The following IPCEF1 variants were observed in gnomAD, a reference collection of about 807,000 sequenced individuals.
IPCEF1 encodes the protein interactor protein for cytohesin exchange factors 1.
IPCEF1 carries 31 observed loss-of-function variants against 50.9 expected under a neutral mutation model. The ratio of observed to expected loss-of-function variants is 0.61; its 90% confidence interval spans 0.46 to 0.82. IPCEF1 has a LOEUF of 0.82. Among genes scored for constraint, IPCEF1 ranks in the 40% least tolerant of loss-of-function variants. The pLI is 0.00. For synonymous variants in IPCEF1, 181 were observed against 192.0 expected (o/e 0.94, Z 0.47); for missense variants, 458 against 514.0 (o/e 0.89, Z 1.05).
At chr6:154,194,655 C>T (rs900885849) in intron 10 of IPCEF1, among the ~76,000 whole-genome samples, 6 of 152,092 alleles carry the variant, frequency 3.9e-5, no homozygotes, top group African/African-American at 1.2e-4. Context: ...ACTCCTAACT[C>T]CTAGCTTCAG....
chr6:154,354,996 T>TCA lies in IPCEF1; in HGVS notation c.-62+1674_-62+1675dup, dbSNP rs56281024. On this transcript the variant is annotated intron_variant, in intron 1 of 11. Transcript: ENST00000367220. ...AAAGCTTATTTTTTAGGATTTTTCT[T>TCA]CACACACACACACACACACACACAC... Among the ~76,000 whole-genome samples, 134 of 147,482 alleles carry TCA rather than the reference T, an allele frequency of 9.1e-4. 1 individual carries two copies. Among genetic ancestry groups the TCA allele is most frequent in the East Asian group, 2.0e-3 (10 of 4,920 alleles).
intron 1 of IPCEF1, among the ~76,000 whole-genome samples, chr6:154,348,068 G>A (rs930576504): frequency 1.3e-5 from 2 of 152,054 alleles, no homozygotes; most frequent in South Asian, 2.1e-4. Context: ...TTGGTGACTC[G>A]GTGTCTCTCT....
At position 154,246,603 on chromosome 6, in the gene IPCEF1, A is replaced by G. The variant is rs1252299684; in HGVS notation, c.234T>C (p.Tyr78=). 33 of 1,613,268 alleles carry G rather than the reference A, an allele frequency of 2.0e-5. No individual in the cohort carries two copies. The highest frequency in any genetic ancestry group is 2.8e-5 in the Non-Finnish European group (33 of 1,179,518). The change falls in exon 5 of 12, where the codon TAT becomes TAC. Residue 78 remains tyrosine (Y), a synonymous_variant. Transcript: ENST00000367220. ...VILKGSSLYW[Y]SNQMAEKADG... ...AAAGCAGACTCACCATTTGATTGCT[A>G]TACCAGTACAGTGACGACCCCTTCA...
chr6:154,247,406 C>G lies in IPCEF1; in HGVS notation c.76+43G>C, dbSNP rs567401827. 1.2e-5 allele frequency: 18 copies of G among 1,544,538 alleles called. No individual in the cohort carries two copies. In the South Asian group the frequency reaches 1.7e-4, roughly 15 times the overall value. On this transcript the variant is annotated intron_variant, in intron 4 of 11. Transcript: ENST00000367220. ...CACCCCGGAGAAAAGCCACACTCAA[C>G]GTACACAAAATGGAGATAAAGAAAC...
intron 10 of IPCEF1, among the ~76,000 whole-genome samples, chr6:154,182,923 T>C (rs1325873794): frequency 6.6e-6 from 1 of 152,128 alleles, no homozygotes; most frequent in Admixed American, 6.5e-5. Context: ...AGAAGTTAGC[T>C]TATCTCAATT....
At chr6:154,212,555 G>A (rs933857825) in intron 9 of IPCEF1, among the ~76,000 whole-genome samples, 28 of 152,082 alleles carry the variant, frequency 1.8e-4, no homozygotes, top group Admixed American at 1.3e-3. Context: ...GTACATCTTC[G>A]GGTCACACAC....
chr6:154,217,115 C>G (rs1778462093), intron 7 of IPCEF1: 1 of 162,956 alleles, frequency 6.1e-6, no homozygotes, highest in African/African-American at 2.4e-5. Context: ...ACCATTCCAG[C>G]CTTCCAAGGG....
chr6:154,320,291 T>C (rs1468695820), intron 1 of IPCEF1, among the ~76,000 whole-genome samples: 1 of 152,226 alleles, frequency 6.6e-6, no homozygotes, highest in African/African-American at 2.4e-5. Flanking sequence ...TTCCAATTTG[T>C]ATCTAATTCA....
At chr6:154,284,798 A>G (rs11965852) in intron 2 of IPCEF1, among the ~76,000 whole-genome samples, 12,742 of 152,138 alleles carry the variant, frequency 0.084, 930 homozygotes, top group African/African-American at 0.2. Flanking sequence ...TCAGGAGATC[A>G]AGACCATCCT....
chr6:154,281,049 A>G (rs563377644), intron 2 of IPCEF1, among the ~76,000 whole-genome samples: 49 of 152,100 alleles, frequency 3.2e-4, no homozygotes, highest in African/African-American at 1.2e-3. Flanking sequence ...AAAAAAATTT[A>G]AAAATTAAGG....
At chr6:154,226,904 A>G (rs193066508) in intron 5 of IPCEF1, among the ~76,000 whole-genome samples, 2 of 152,294 alleles carry the variant, frequency 1.3e-5, no homozygotes, top group Admixed American at 1.3e-4. Flanking sequence ...CAAAGAAAAA[A>G]CAATACTTCT....
At chr6:154,304,294 C>G (rs950781929) in intron 1 of IPCEF1, among the ~76,000 whole-genome samples, 4 of 151,994 alleles carry the variant, frequency 2.6e-5, no homozygotes, top group Non-Finnish European at 5.9e-5. Flanking sequence ...AGCAGCTTCA[C>G]CAGGATAGAA....
intron 1 of IPCEF1, among the ~76,000 whole-genome samples, chr6:154,343,996 G>A (rs1783974716): frequency 6.6e-6 from 1 of 152,192 alleles, no homozygotes; most frequent in Admixed American, 6.5e-5. Context: ...ACTAAGGTGG[G>A]AGGGCCAGTT....
intron 1 of IPCEF1, among the ~76,000 whole-genome samples, chr6:154,298,839 G>A (rs1463570986): frequency 6.6e-6 from 1 of 151,926 alleles, no homozygotes; most frequent in African/African-American, 2.4e-5. Flanking sequence ...GCGCATGCCT[G>A]TAATCCCAAG....
intron 5 of IPCEF1, among the ~76,000 whole-genome samples, chr6:154,242,887 C>CAAAGA (rs10692865): frequency 0.32 from 49,058 of 151,388 alleles, 8,767 homozygotes; most frequent in East Asian, 0.67. Flanking sequence ...GACTCCGTCT[C>CAAAGA]AAAGAAAAGA....
chr6:154,215,314 A>G (rs1483374734), intron 7 of IPCEF1, among the ~76,000 whole-genome samples: 1 of 152,178 alleles, frequency 6.6e-6, no homozygotes, highest in Non-Finnish European at 1.5e-5. Flanking sequence ...TAGAAAATAT[A>G]TAACAAATTC....
chr6:154,167,629 AC>A, intron 11 of IPCEF1, among the ~76,000 whole-genome samples: 1 of 152,220 alleles, frequency 6.6e-6, no homozygotes, highest in Admixed American at 6.5e-5. Flanking sequence ...GGGTTAAAAA[AC>A]AAATTATGCA....
chr6:154,168,139 G>C lies in IPCEF1; in HGVS notation c.911-26C>G, dbSNP rs1799581451. 1 of 1,496,900 alleles carries C rather than the reference G, an allele frequency of 6.7e-7. No homozygotes were observed. The highest frequency in any genetic ancestry group is 2.3e-5 in the East Asian group (1 of 43,600). The allele number at this position is 1,496,900 out of a possible 1,614,324, so 92.7% of individuals were successfully genotyped here. A position where few individuals can be genotyped will look rare whatever the true frequency, so the allele number is the denominator to read the frequency against. On this transcript the variant is annotated intron_variant, in intron 10 of 11. Coordinates refer to ENST00000367220, the MANE Select transcript of IPCEF1 (RefSeq NM_001130700.2). The surrounding 1 kb of genome is among the most constrained non-coding windows in gnomAD (Gnocchi z 4.1). ...CTATTTGAAAAAAAAAAAGAAAGCA[G>C]TAACAATAAACCCAGTGAAAAATCA...
chr6:154,214,253 GC>G lies in IPCEF1; in HGVS notation c.415del (p.Ala139LeufsTer2). 1 of 1,611,124 alleles carries G rather than the reference GC, an allele frequency of 6.2e-7. No individual in the cohort carries two copies. The highest frequency in any genetic ancestry group is 2.2e-5 in the East Asian group (1 of 44,852). On this transcript the variant is annotated frameshift_variant, in exon 8 of 12. Coordinates refer to ENST00000367220, the MANE Select transcript of IPCEF1 (RefSeq NM_001130700.2). LOFTEE classifies it high-confidence loss of function. Reference protein sequence around the residue: ...MNVWLNKLGSAVIHQESTTKD... With the variant: ...MNVWLNKLGSXVIHQESTTKD... ...TGTAGTGGATTCCTGATGGATTACA[GC>G]CGATCCAAGTTTATTTAACCACCTA...
Sources: gnomAD v4.1 joint callset for allele counts (sites outside exome capture counted in the v4.1 genomes callset) on GRCh38, gnomAD v4.1.1 for gene constraint, Gnocchi (gnomAD v3.1) non-coding constraint, MANE v1.5 for transcripts, NCBI Gene and HGNC (gene_info 2026-07-23, HGNC 2026-07-21) for gene names.